E2F2: variants seen among roughly 807,000 people sequenced by gnomAD.
E2F2 encodes the protein E2F transcription factor 2.
E2F2 carries 22 observed loss-of-function variants against 42.2 expected under a neutral mutation model. That is an observed-to-expected ratio of 0.52 (90% CI 0.37 to 0.74). The LOEUF (loss-of-function observed/expected upper bound fraction) is 0.74. Among genes scored for constraint, E2F2 ranks in the 30% least tolerant of loss-of-function variants. E2F2 has a pLI of 0.00. For synonymous variants in E2F2, 248 were observed against 251.6 expected (o/e 0.99, Z 0.13); for missense variants, 481 against 557.8 (o/e 0.86, Z 1.39).
intron 1 of E2F2, among the ~76,000 whole-genome samples, chr1:23,526,851 G>GCA (rs3221150): frequency 0.12 from 17,312 of 148,710 alleles, 1,079 homozygotes; most frequent in Admixed American, 0.19. Context: ...GCATGTACTT[G>GCA]CACACACACA....
In E2F2 at chr1:23,509,936, C is replaced by T. The variant is rs770482896; in HGVS notation, c.1258G>A (p.Glu420Lys). The T allele has an allele frequency of 2.4e-5, 38 of 1,604,250 alleles. No individual in the cohort carries two copies. Among genetic ancestry groups the T allele is most frequent in the Non-Finnish European group, 3.1e-5 (37 of 1,174,644 alleles). ...GAGTCGAAGAGATCGCTGATGCCCT[C>T]ACCCGCCTCCAAGCCCCACAGGTAG... ...DDYLWGLEAGEGISDLFDSYD... is the reference protein window; with the variant it reads ...DDYLWGLEAGKGISDLFDSYD... The change falls in exon 7 of 7, where the codon GAG becomes AAG. Residue 420 changes from glutamate (E) to lysine (K), a missense_variant. Transcript: ENST00000361729.
intron 4 of E2F2, among the ~76,000 whole-genome samples, chr1:23,520,266 A>G (rs1319529075): frequency 8.7e-6 from 1 of 114,556 alleles, no homozygotes; most frequent in Non-Finnish European, 2.0e-5. Flanking sequence ...AAAAAAAAAA[A>G]AAAAAAAAAA....
At position 23,524,101 on chromosome 1, in the gene E2F2, C is replaced by CA. The variant is rs1370410455; in HGVS notation, c.358+281dup. ...ACAACAACAACAACAACAACAACAACAACAAAAAAAAACACAGAAGTAATG... is the reference window on the plus strand; with the variant it reads ...ACAACAACAACAACAACAACAACAACAAACAAAAAAAAACACAGAAGTAATG... On this transcript the variant is annotated intron_variant, in intron 2 of 6. Transcript: ENST00000361729. Among the ~76,000 whole-genome samples, 105 of 132,142 alleles carry CA rather than the reference C, an allele frequency of 7.9e-4. 3 individuals are homozygous for CA. The East Asian group carries it at 9.1e-3, about 12-fold the overall frequency. 86.7% of individuals were successfully genotyped at this position (132,142 alleles called of 152,430 possible).
chr1:23,507,348 CT>C lies in E2F2; in HGVS notation c.*2531del. The C allele has an allele frequency of 6.6e-6, 1 of 152,086 alleles. No individual in the cohort carries two copies. Among genetic ancestry groups the C allele is most frequent in the East Asian group, 1.9e-4 (1 of 5,156 alleles). The allele number at this position is 152,086 out of a possible 1,614,324, so 9.4% of individuals were successfully genotyped here. A position where few individuals can be genotyped will look rare whatever the true frequency, so the allele number is the denominator to read the frequency against. ...CCTGACTAACATGGCAAAACCCCGT[CT>C]CGACCAAAAATACAAAATTAGCCGG... On this transcript the variant is annotated 3_prime_UTR_variant, in exon 7 of 7. Coordinates refer to ENST00000361729, the MANE Select transcript of E2F2 (RefSeq NM_004091.4).
intron 6 of E2F2, among the ~76,000 whole-genome samples, chr1:23,511,335 A>C (rs1467882226): frequency 1.3e-5 from 2 of 152,074 alleles, no homozygotes; most frequent in Admixed American, 1.3e-4. Context: ...TCTGGGCTCA[A>C]GCAATCCTCT....
Position 23,509,806 on chromosome 1 carries a change from C to T in E2F2, c.*74G>A, listed in dbSNP as rs1642871618. 1.4e-6 allele frequency: 2 copies of T among 1,474,812 alleles called. No homozygotes were observed. The highest frequency in any genetic ancestry group is 2.6e-5 in the Admixed American group (1 of 38,880). The allele number at this position is 1,474,812 out of a possible 1,614,324, so 91.4% of individuals were successfully genotyped here. ...GCACCTAGTGTCCAATGTCCCTGTG[C>T]AGGCAGAGGGGCTGTCAGCCTGTCT... On this transcript the variant is annotated 3_prime_UTR_variant, in exon 7 of 7. Coordinates refer to ENST00000361729, the MANE Select transcript of E2F2 (RefSeq NM_004091.4).
chr1:23,524,184 A>T, intron 2 of E2F2, among the ~76,000 whole-genome samples, 199 bp downstream of exon 2: 1 of 152,056 alleles, frequency 6.6e-6, no homozygotes, highest in Non-Finnish European at 1.5e-5. Flanking sequence ...TGGGCAAGTC[A>T]CTCAAGCTCT....
intron 4 of E2F2, chr1:23,519,335 TA>T: frequency 2.6e-6 from 1 of 384,804 alleles, no homozygotes; most frequent in Non-Finnish European, 4.7e-6. Flanking sequence ...ATATAAATCA[TA>T]AAAAATGTTG....
At chr1:23,510,277 C>T in intron 6 of E2F2, 129 bp from the exon 7 acceptor site, 1 of 1,393,744 alleles carries the variant, frequency 7.2e-7, no homozygotes, top group Non-Finnish European at 9.3e-7. Context: ...GACTGTCGTG[C>T]TCTCAAAATC....
intron 5 of E2F2, 90 bp from the exon 6 acceptor site, chr1:23,516,617 TC>T (rs1643025372): frequency 9.1e-7 from 1 of 1,095,390 alleles, no homozygotes; most frequent in Non-Finnish European, 1.3e-6. Flanking sequence ...GCTGCTGCCA[TC>T]CATGGGTGCA....
At chr1:23,515,223 A>G (rs1205652546) in intron 6 of E2F2, among the ~76,000 whole-genome samples, 1 of 152,260 alleles carries the variant, frequency 6.6e-6, no homozygotes, top group African/African-American at 2.4e-5. Flanking sequence ...ATCCAGGAAA[A>G]GGCAAAAACT....
chr1:23,519,631 T>C (rs1032650945), intron 4 of E2F2, among the ~76,000 whole-genome samples: 4 of 152,232 alleles, frequency 2.6e-5, no homozygotes, highest in Non-Finnish European at 5.9e-5. Context: ...GAAAGCATTC[T>C]ATGTATAAAG....
chr1:23,505,658 G>A (rs1251294788), downstream of E2F2, among the ~76,000 whole-genome samples: 4 of 151,816 alleles, frequency 2.6e-5, no homozygotes, highest in African/African-American at 9.7e-5. Flanking sequence ...AGTTACAGGC[G>A]CCTGCAACCA....
At position 23,530,607 on chromosome 1, in the gene E2F2, G is replaced by C. The variant is rs755878755; in HGVS notation, c.187C>G (p.Leu63Val). The stretch of plus-strand genomic sequence containing the variant: ...TCGGGTCCGTGGGGAGTGGCGTCGA[G>C]GCAGGTGCCTGGCGCCGCTGCGGGA... ...APPAAAPGTC[L>V]DATPHGPEGQ... Residue 63 changes from leucine to valine, a missense_variant, in exon 1 of 7, where the codon CTC (leucine) becomes GTC (valine). Coordinates refer to ENST00000361729, the MANE Select transcript of E2F2 (RefSeq NM_004091.4). The surrounding 1 kb of genome is among the most constrained non-coding windows in gnomAD (Gnocchi z 4.4). 6 of 1,613,074 alleles carry C rather than the reference G, an allele frequency of 3.7e-6. No individual in the cohort carries two copies. In the Admixed American group the frequency reaches 6.7e-5, roughly 18 times the overall value.
chr1:23,529,974 G>T (rs1643311249), intron 1 of E2F2, among the ~76,000 whole-genome samples: 1 of 152,224 alleles, frequency 6.6e-6, no homozygotes, highest in Non-Finnish European at 1.5e-5. Context: ...GCCCACATTT[G>T]TATCTGCTAC....
rs1642815291 is a variant in E2F2 at position 23,507,247 on chromosome 1, G to GT, written c.*2632dup. The GT allele has an allele frequency of 6.6e-6, 1 of 152,148 alleles. No individual in the cohort carries two copies. The highest frequency in any genetic ancestry group is 1.5e-5 in the Non-Finnish European group (1 of 68,068). The allele number at this position is 152,148 out of a possible 1,614,324, so 9.4% of individuals were successfully genotyped here. A position where few individuals can be genotyped will look rare whatever the true frequency, so the allele number is the denominator to read the frequency against. ...GAAAATACCACTCAGGCTGGGCCTG[G>GT]TGGCTCGTGCCTGTCATCTCAACAC... is the stretch of plus-strand genomic sequence containing the variant. On this transcript the variant is annotated 3_prime_UTR_variant, in exon 7 of 7. Transcript: ENST00000361729.
chr1:23,512,499 A>C (rs1299410381), intron 6 of E2F2, among the ~76,000 whole-genome samples: 1 of 152,188 alleles, frequency 6.6e-6, no homozygotes, highest in Non-Finnish European at 1.5e-5. Flanking sequence ...TGCTGATGTT[A>C]CAGTCAGAGG....
intron 6 of E2F2, among the ~76,000 whole-genome samples, chr1:23,515,143 T>C (rs1642994213): frequency 6.6e-6 from 1 of 152,228 alleles, no homozygotes; most frequent in African/African-American, 2.4e-5. Context: ...ATTCTGCTGC[T>C]AAGAAGACAA....
At chr1:23,514,890 T>G (rs1203706222) in intron 6 of E2F2, among the ~76,000 whole-genome samples, 1 of 151,600 alleles carries the variant, frequency 6.6e-6, no homozygotes, top group Non-Finnish European at 1.5e-5. Context: ...GGGACACTTG[T>G]GGTCTCTGTC....
Sources: gnomAD v4.1 joint callset for allele counts (sites outside exome capture counted in the v4.1 genomes callset) on GRCh38, gnomAD v4.1.1 for gene constraint, Gnocchi (gnomAD v3.1) non-coding constraint, MANE v1.5 for transcripts, NCBI Gene and HGNC (gene_info 2026-07-23, HGNC 2026-07-21) for gene names.